Variants in PTPRM observed in about 807,000 individuals in gnomAD.
PTPRM encodes protein tyrosine phosphatase receptor type M.
A neutral mutation model predicts 186.7 loss-of-function variants in PTPRM; 47 were observed. The observed-to-expected ratio is 0.25, with a 90% CI of 0.20 to 0.32. The LOEUF (loss-of-function observed/expected upper bound fraction) is 0.32. Ranked by LOEUF, PTPRM falls within the 10% of genes least tolerant of loss-of-function variation. PTPRM has a pLI of 1.00. For missense variants in PTPRM, 1,494 were observed against 1,865.0 expected, an observed-to-expected ratio of 0.80 and a Z score of 3.66; for synonymous variants, 668 against 674.9, an observed-to-expected ratio of 0.99 and a Z score of 0.16.
At chr18:7,648,170 G>A (rs1053253426) in intron 1 of PTPRM, among the ~76,000 whole-genome samples, 1 of 152,042 alleles carries the variant, frequency 6.6e-6, no homozygotes, top group Admixed American at 6.6e-5. Context: ...GATCATCGAT[G>A]TTACTATTGT....
intron 31 of PTPRM, among the ~76,000 whole-genome samples, chr18:8,392,119 C>G (rs144426859): frequency 6.0e-4 from 91 of 152,210 alleles, no homozygotes; most frequent in African/African-American, 2.1e-3. Context: ...ATTTGCAAGA[C>G]ATACCAACCA....
intron 1 of PTPRM, among the ~76,000 whole-genome samples, chr18:7,658,694 C>T (rs897612819): frequency 5.9e-5 from 9 of 152,094 alleles, no homozygotes; most frequent in African/African-American, 2.2e-4. Context: ...TAATGTTTGA[C>T]GTAGTAAACA....
At chr18:8,077,218 G>A (rs1401239400) in intron 9 of PTPRM, among the ~76,000 whole-genome samples, 1 of 152,144 alleles carries the variant, frequency 6.6e-6, no homozygotes, top group Non-Finnish European at 1.5e-5. Context: ...ACAAGCAGGT[G>A]TGTTTTTTTA....
intron 2 of PTPRM, among the ~76,000 whole-genome samples, chr18:7,789,216 T>C (rs1293462424): frequency 6.6e-6 from 1 of 152,126 alleles, no homozygotes; most frequent in Non-Finnish European, 1.5e-5. Flanking sequence ...TTCCAGCTGC[T>C]TGGGAGGCTG....
At chr18:7,920,184 T>A (rs936137545) in intron 4 of PTPRM, among the ~76,000 whole-genome samples, 1 of 152,172 alleles carries the variant, frequency 6.6e-6, no homozygotes, top group Non-Finnish European at 1.5e-5. Context: ...TTGCTCCATT[T>A]ACATTCAATG....
At chr18:7,980,383 T>C (rs1214181625) in intron 7 of PTPRM, among the ~76,000 whole-genome samples, 1 of 152,034 alleles carries the variant, frequency 6.6e-6, no homozygotes, top group Admixed American at 6.6e-5. Context: ...AGATATCTTT[T>C]TTTTTATTTT....
intron 1 of PTPRM, among the ~76,000 whole-genome samples, chr18:7,619,651 T>TCATCTGTTTCAGACCTTA (rs1166099312): frequency 2.0e-5 from 3 of 152,200 alleles, no homozygotes; most frequent in Non-Finnish European, 4.4e-5. Context: ...CACGCTCTCG[T>TCATCTGTTTCAGACCTTA]CATCTGTTTC....
At chr18:7,667,271 T>G (rs1001906757) in intron 1 of PTPRM, among the ~76,000 whole-genome samples, 1 of 152,178 alleles carries the variant, frequency 6.6e-6, no homozygotes, top group African/African-American at 2.4e-5. Context: ...ACCACTCAGG[T>G]CTAGATAGAA....
At chr18:7,867,459 C>T (rs138712521) in intron 2 of PTPRM, among the ~76,000 whole-genome samples, 7,838 of 152,168 alleles carry the variant, frequency 0.052, 259 homozygotes, top group Middle Eastern at 0.19. Flanking sequence ...ACTTATGAAG[C>T]TTAATTTGGG....
intron 1 of PTPRM, among the ~76,000 whole-genome samples, chr18:7,747,815 G>A (rs1447258423): frequency 6.6e-6 from 1 of 152,132 alleles, no homozygotes; most frequent in Non-Finnish European, 1.5e-5. Flanking sequence ...GTCCCGAGGG[G>A]TTAGGAGTAC....
chr18:8,274,690 A>G (rs2094813039), intron 19 of PTPRM, among the ~76,000 whole-genome samples: 1 of 152,226 alleles, frequency 6.6e-6, no homozygotes, highest in Non-Finnish European at 1.5e-5. Context: ...TTAGATATGC[A>G]GAGCCTTAGG....
intron 11 of PTPRM, among the ~76,000 whole-genome samples, chr18:8,108,340 A>G (rs1373187372): frequency 6.6e-6 from 1 of 152,146 alleles, no homozygotes; most frequent in Non-Finnish European, 1.5e-5. Context: ...AGCAAAAACA[A>G]CAATGAAAGC....
At chr18:7,817,766 A>G (rs1258753343) in intron 2 of PTPRM, among the ~76,000 whole-genome samples, 1 of 152,202 alleles carries the variant, frequency 6.6e-6, no homozygotes, top group Non-Finnish European at 1.5e-5. Context: ...TTGCGTTTGC[A>G]CCATGTGATT....
intron 22 of PTPRM, among the ~76,000 whole-genome samples, chr18:8,335,043 G>A (rs193145901): frequency 2.6e-5 from 4 of 152,178 alleles, no homozygotes; most frequent in East Asian, 1.9e-4. Context: ...GATTTTTCCC[G>A]AGCTTTGATT....
chr18:8,196,067 A>G (rs999860282), intron 14 of PTPRM, among the ~76,000 whole-genome samples: 2 of 152,250 alleles, frequency 1.3e-5, no homozygotes, highest in Non-Finnish European at 2.9e-5. Flanking sequence ...GAAAGGTCTT[A>G]AAGAACTAAA....
rs113408912 is a variant in PTPRM, at chr18:8,147,855, G to A, written c.2300+4076G>A. Reference sequence around the variant, plus strand: ...AGCTTATTCAGTTTTTAGCATGGAGGGCTGTTGAATTTTGTCAAAGACCTT... The same window carrying A: ...AGCTTATTCAGTTTTTAGCATGGAGAGCTGTTGAATTTTGTCAAAGACCTT... On this transcript the variant is annotated intron_variant, in intron 14 of 32. Transcript: ENST00000580170. 1.1e-3 allele frequency among the ~76,000 whole-genome samples: 162 copies of A among 152,204 alleles called. 1 individual carries two copies. Among genetic ancestry groups the A allele is most frequent in the African/African-American group, 3.8e-3 (158 of 41,540 alleles).
intron 31 of PTPRM, among the ~76,000 whole-genome samples, chr18:8,392,772 A>G (rs1453029556): frequency 6.6e-6 from 1 of 152,192 alleles, no homozygotes; most frequent in African/African-American, 2.4e-5. Context: ...AAAGAACAAA[A>G]GAGCCAGCCT....
chr18:7,694,802 C>T (rs1334252207), intron 1 of PTPRM, among the ~76,000 whole-genome samples: 1 of 152,022 alleles, frequency 6.6e-6, no homozygotes, highest in Non-Finnish European at 1.5e-5. Context: ...ATTCATGAAA[C>T]ATTTATAGCT....
At chr18:7,680,520 A>T (rs1399646612) in intron 1 of PTPRM, among the ~76,000 whole-genome samples, 1 of 152,122 alleles carries the variant, frequency 6.6e-6, no homozygotes, top group African/African-American at 2.4e-5. Flanking sequence ...GTGGTGCCTC[A>T]TGTTTGTAAG....
Sources: gnomAD v4.1 joint callset for allele counts (sites outside exome capture counted in the v4.1 genomes callset) on GRCh38, gnomAD v4.1.1 for gene constraint, MANE v1.5 for transcripts, NCBI Gene and HGNC (gene_info 2026-07-23, HGNC 2026-07-21) for gene names.